Variants in SMAD6 observed in about 807,000 individuals in gnomAD.
SMAD6 encodes the protein SMAD family member 6, also known as MAD homolog 6.
SMAD6 carries 103 observed loss-of-function variants against 39.4 expected under a neutral mutation model. That is an observed-to-expected ratio of 2.62 (90% CI 2.23 to 3.08). SMAD6 has a LOEUF of 3.08. SMAD6 is among the 30% of genes most tolerant of loss of function. The pLI, the probability that SMAD6 is intolerant of heterozygous loss-of-function variation, is 0.00. For synonymous variants in SMAD6, 445 were observed against 353.3 expected, an observed-to-expected ratio of 1.26 and a Z score of -2.91; for missense variants, 1,104 against 742.9, an observed-to-expected ratio of 1.49 and a Z score of -5.65.
At chr15:66,764,528 A>G (rs1197440040) in intron 3 of SMAD6, among the ~76,000 whole-genome samples, 1 of 152,154 alleles carries the variant, frequency 6.6e-6, no homozygotes. Flanking sequence ...GTCACATCAA[A>G]AGCAGATATA....
chr15:66,772,286 C>G (rs1894392438), intron 3 of SMAD6, among the ~76,000 whole-genome samples: 1 of 152,332 alleles, frequency 6.6e-6, no homozygotes, highest in East Asian at 1.9e-4. Context: ...TCCGGACTTT[C>G]AGGCCTCAGC....
rs751622656 is a variant in SMAD6, at chr15:66,781,176, G to A, written c.1132G>A (p.Glu378Lys). The change falls in exon 4 of 4, where the codon GAG becomes AAG. Residue 378 changes from glutamate to lysine, a missense_variant. Glu to Lys is a moderately conservative substitution (Grantham distance 56). Transcript: ENST00000288840. Reference protein sequence around the residue: ...LGQLNLEQRSESVRRTRSKIG... With the variant: ...LGQLNLEQRSKSVRRTRSKIG... ...CCAGCTCAACCTGGAGCAGCGCAGC[G>A]AGTCGGTGCGGCGAACGCGCAGCAA... 2.4e-5 allele frequency: 38 copies of A among 1,607,718 alleles called. No homozygotes were observed. Among genetic ancestry groups the A allele is most frequent in the Non-Finnish European group, 2.8e-5 (33 of 1,179,764 alleles).
Position 66,703,820 on chromosome 15 carries a change from C to A in SMAD6, c.562C>A (p.Leu188Met). 7.0e-7 allele frequency: 1 copy of A among 1,421,760 alleles called. No homozygotes were observed. The highest frequency in any genetic ancestry group is 9.3e-7 in the Non-Finnish European group (1 of 1,076,596). 88.1% of individuals were successfully genotyped at this position (1,421,760 alleles called of 1,614,324 possible). ...SLLKRLKERS[L>M]DTLLEAVESR... ...GCTGAAGCGGCTCAAGGAGCGCTCG[C>A]TGGACACGCTGCTGGAGGCGGTGGA... The change falls in exon 1 of 4, where the codon CTG (leucine) becomes ATG (methionine). Residue 188 changes from leucine (L) to methionine (M), a missense_variant. Coordinates refer to ENST00000288840, the MANE Select transcript of SMAD6 (RefSeq NM_005585.5).
intron 3 of SMAD6, among the ~76,000 whole-genome samples, chr15:66,717,941 C>CA (rs1222138052): frequency 6.6e-6 from 1 of 152,184 alleles, no homozygotes; most frequent in African/African-American, 2.4e-5. Context: ...TCTGCACCTA[C>CA]ATGAGTGAAA....
At chr15:66,737,641 G>C (rs1228196417) in intron 3 of SMAD6, among the ~76,000 whole-genome samples, 2 of 151,624 alleles carry the variant, frequency 1.3e-5, no homozygotes, top group Non-Finnish European at 2.9e-5. Context: ...TATAAGTTCT[G>C]TTTGCCTGGA....
intron 1 of SMAD6, chr15:66,705,200 C>G (rs974533904): frequency 5.9e-5 from 9 of 152,168 alleles, no homozygotes; most frequent in African/African-American, 1.7e-4. Context: ...TCTCCTGACT[C>G]TGTGTGGAAG....
chr15:66,753,354 T>A (rs1362179349), intron 3 of SMAD6, among the ~76,000 whole-genome samples: 1 of 152,198 alleles, frequency 6.6e-6, no homozygotes, highest in Non-Finnish European at 1.5e-5. Context: ...TCTGGGCAGA[T>A]GTGGGTCCTT....
At chr15:66,765,983 C>T (rs1462018423) in intron 3 of SMAD6, among the ~76,000 whole-genome samples, 1 of 152,218 alleles carries the variant, frequency 6.6e-6, no homozygotes, top group African/African-American at 2.4e-5. Context: ...AGCTGGCCCC[C>T]AGCCAGACGG....
At chr15:66,774,440 G>A (rs2140673053) in intron 3 of SMAD6, among the ~76,000 whole-genome samples, 1 of 152,280 alleles carries the variant, frequency 6.6e-6, no homozygotes, top group South Asian at 2.1e-4. Context: ...CCAGCCATCA[G>A]AGGGGCCGAT....
At chr15:66,753,442 C>T (rs1035478943) in intron 3 of SMAD6, among the ~76,000 whole-genome samples, 1 of 152,208 alleles carries the variant, frequency 6.6e-6, no homozygotes, top group African/African-American at 2.4e-5. Flanking sequence ...CTCTAGGCAC[C>T]ATCTGTTCTG....
intron 3 of SMAD6, among the ~76,000 whole-genome samples, chr15:66,726,464 C>T (rs1893523382): frequency 6.6e-6 from 1 of 152,186 alleles, no homozygotes; most frequent in African/African-American, 2.4e-5. Flanking sequence ...GATGAAATCT[C>T]TGGGGCTTCC....
At chr15:66,757,895 G>A (rs557042011) in intron 3 of SMAD6, among the ~76,000 whole-genome samples, 178 of 152,312 alleles carry the variant, frequency 1.2e-3, no homozygotes, top group African/African-American at 4.1e-3. Flanking sequence ...CCTGACTAGG[G>A]GCAGTAGGGA....
At chr15:66,758,356 CA>C (rs962723023) in intron 3 of SMAD6, among the ~76,000 whole-genome samples, 1 of 152,018 alleles carries the variant, frequency 6.6e-6, no homozygotes, top group Admixed American at 6.6e-5. Context: ...TGATAAATTT[CA>C]AAAAACAGAA....
At chr15:66,758,991 T>C (rs748948666) in intron 3 of SMAD6, among the ~76,000 whole-genome samples, 4 of 152,190 alleles carry the variant, frequency 2.6e-5, no homozygotes, top group Non-Finnish European at 5.9e-5. Flanking sequence ...GTAAACACTT[T>C]AGGCTTTGCA....
In SMAD6 at chr15:66,781,080, CT is replaced by C. The variant is rs1249601598; in HGVS notation, c.1037del (p.Leu346ProfsTer193). The C allele has an allele frequency of 6.2e-7, 1 of 1,607,276 alleles. No homozygotes were observed. The highest frequency in any genetic ancestry group is 1.1e-5 in the South Asian group (1 of 90,678). On this transcript the variant is annotated frameshift_variant, in exon 4 of 4. Coordinates refer to ENST00000288840, the MANE Select transcript of SMAD6 (RefSeq NM_005585.5). LOFTEE classifies it high-confidence loss of function. ...YWEHRTRVGR[L>X]YAVYDQAVSI... ...GGAGCACCGGACGCGCGTGGGCCGC[CT>C]CTATGCGGTGTACGACCAGGCCGTC...
intron 3 of SMAD6, among the ~76,000 whole-genome samples, chr15:66,757,365 C>G (rs541345192): frequency 2.0e-5 from 3 of 152,286 alleles, no homozygotes; most frequent in African/African-American, 7.2e-5. Context: ...GGGATCCCCT[C>G]CAGCCACCCT....
At chr15:66,774,556 G>A (rs1360333209) in intron 3 of SMAD6, among the ~76,000 whole-genome samples, 1 of 152,182 alleles carries the variant, frequency 6.6e-6, no homozygotes. Context: ...CACCGGGAGG[G>A]AACAGGGCTT....
chr15:66,762,392 C>G (rs1894215633), intron 3 of SMAD6, among the ~76,000 whole-genome samples: 1 of 152,174 alleles, frequency 6.6e-6, no homozygotes, highest in Non-Finnish European at 1.5e-5. Context: ...GGCACTTCTG[C>G]TGGCTGAAAC....
At chr15:66,717,115 AT>A in intron 3 of SMAD6, 2 of 1,288,656 alleles carry the variant, frequency 1.6e-6, no homozygotes, top group Non-Finnish European at 1.0e-6. Context: ...GAATACCTGA[AT>A]CAAACTTTCC....
Sources: gnomAD v4.1 joint callset for allele counts (sites outside exome capture counted in the v4.1 genomes callset) on GRCh38, gnomAD v4.1.1 for gene constraint, MANE v1.5 for transcripts, NCBI Gene and HGNC (gene_info 2026-07-23, HGNC 2026-07-21) for gene names.